MAU2: variants seen among roughly 807,000 people sequenced by gnomAD.
MAU2 encodes the protein MAU2 chromatid cohesion factor homolog.
Under a neutral mutation model 89.1 loss-of-function variants are expected in MAU2, and 9 were observed. The ratio of observed to expected loss-of-function variants is 0.10; its 90% CI spans 0.06 to 0.18. MAU2 has a LOEUF of 0.18. MAU2 is among the 10% of genes least tolerant of loss of function. The pLI is 1.00. For missense variants in MAU2, 425 were observed against 803.5 expected (o/e 0.53, Z 5.69); for synonymous variants, 357 against 343.4 (o/e 1.04, Z -0.44).
intron 1 of MAU2, among the ~76,000 whole-genome samples, chr19:19,326,204 A>G (rs1304786257): frequency 6.6e-6 from 1 of 151,908 alleles, no homozygotes; most frequent in Non-Finnish European, 1.5e-5. Context: ...GATATATAAC[A>G]TACTTACTCG....
Position 19,322,635 on chromosome 19 carries a change from C to T in MAU2, c.276+1500C>T, listed in dbSNP as rs1273276860. Among the ~76,000 whole-genome samples, 7 of 152,080 alleles carry T rather than the reference C, an allele frequency of 4.6e-5. No homozygotes were observed. In the South Asian group the frequency reaches 6.2e-4, roughly 13 times the overall value. On this transcript the variant is annotated intron_variant, in intron 1 of 18. Coordinates refer to ENST00000262815, the MANE Select transcript of MAU2 (RefSeq NM_015329.4). ...TAATAAGGAAAAAATAATAAAATTT[C>T]AGGCTGTGGAGTCGTTTTTTTCTCA... is the stretch of plus-strand genomic sequence containing the variant.
intron 1 of MAU2, among the ~76,000 whole-genome samples, chr19:19,331,690 C>T (rs1414834357): frequency 1.3e-5 from 2 of 151,816 alleles, no homozygotes; most frequent in Non-Finnish European, 1.5e-5. Flanking sequence ...TCACCTGAGC[C>T]CAGGAGTTCA....
At chr19:19,353,212 G>A (rs1315510216) in intron 16 of MAU2, 1 of 152,224 alleles carries the variant, frequency 6.6e-6, no homozygotes, top group African/African-American at 2.4e-5. Flanking sequence ...ACCAGATTCT[G>A]TGGGGTACCC....
In MAU2 at chr19:19,337,374, G is replaced by A. The variant is rs535357529; in HGVS notation, c.456+109G>A. The A allele has an allele frequency of 1.3e-4, 108 of 833,234 alleles. No individual in the cohort carries two copies. The African/African-American group carries it at 1.7e-3, about 13-fold the overall frequency. 51.6% of individuals were successfully genotyped at this position (833,234 alleles called of 1,614,324 possible). A position where few individuals can be genotyped will look rare whatever the true frequency, so the allele number is the denominator to read the frequency against. Reference sequence around the variant, plus strand: ...GAGTCCACGATGCGCAGACCCCCTCGGGCTGGCACATGGAGTAGGTGGGGA... The same window carrying A: ...GAGTCCACGATGCGCAGACCCCCTCAGGCTGGCACATGGAGTAGGTGGGGA... On this transcript the variant is annotated intron_variant, in intron 4 of 18. Coordinates refer to ENST00000262815, the MANE Select transcript of MAU2 (RefSeq NM_015329.4).
In MAU2 at chr19:19,337,139, T is replaced by C. The variant is rs1568656500; in HGVS notation, c.361-31T>C. On this transcript the variant is annotated intron_variant, in intron 3 of 18. Coordinates refer to ENST00000262815, the MANE Select transcript of MAU2 (RefSeq NM_015329.4). ...TTGCCGCCTTGTTTTTTTTTTTTCT[T>C]ACATTCCCAAACGTGACTATTTCCT... 7 of 1,525,366 alleles carry C rather than the reference T, an allele frequency of 4.6e-6. No homozygotes were observed. In the Admixed American group the frequency reaches 1.2e-4, roughly 27 times the overall value. 94.5% of individuals were successfully genotyped at this position (1,525,366 alleles called of 1,614,324 possible).
Position 19,354,487 on chromosome 19 carries a change from C to G in MAU2, c.1639+42C>G, listed in dbSNP as rs565732356. Reference sequence around the variant, plus strand: ...CCCCTCTTCCCCAGCCCCAGCCTGGCCCTCCCCAGAGATCAAGGCTGCTGG... The same window carrying G: ...CCCCTCTTCCCCAGCCCCAGCCTGGGCCTCCCCAGAGATCAAGGCTGCTGG... On this transcript the variant is annotated intron_variant, in intron 17 of 18. Coordinates refer to ENST00000262815, the MANE Select transcript of MAU2 (RefSeq NM_015329.4). 18 of 1,550,692 alleles carry G rather than the reference C, an allele frequency of 1.2e-5. 1 individual carries two copies. In the East Asian group the frequency reaches 4.0e-4, roughly 35 times the overall value.
chr19:19,355,146 C>A (rs1039328868), intron 17 of MAU2, 118 bp from the exon 18 acceptor site: 29 of 1,318,840 alleles, frequency 2.2e-5, no homozygotes, highest in Admixed American at 1.5e-4. Context: ...ACGTGCCAGG[C>A]ACCCAGAGAT....
At chr19:19,353,645 TC>T (rs2061761954) in intron 16 of MAU2, 1 of 152,398 alleles carries the variant, frequency 6.6e-6, no homozygotes, top group Admixed American at 6.5e-5. Context: ...GAACCCCACA[TC>T]CAGGCTTACA....
chr19:19,354,487 C>A (rs565732356), intron 17 of MAU2, 42 bp downstream of exon 17: 1 of 1,550,690 alleles, frequency 6.4e-7, no homozygotes, highest in Admixed American at 1.7e-5. Context: ...CCCAGCCTGG[C>A]CCTCCCCAGA....
chr19:19,347,424 A>C, intron 13 of MAU2, 58 bp downstream of exon 13: 5 of 1,422,362 alleles, frequency 3.5e-6, no homozygotes, highest in Non-Finnish European at 5.0e-6. Flanking sequence ...TTTTTGGGGA[A>C]CCAGGGGGTT....
At chr19:19,331,124 G>A (rs949947574) in intron 1 of MAU2, among the ~76,000 whole-genome samples, 5 of 151,828 alleles carry the variant, frequency 3.3e-5, no homozygotes, top group African/African-American at 1.2e-4. Context: ...TCCTTGCCCT[G>A]CTCCCTGCAG....
intron 1 of MAU2, among the ~76,000 whole-genome samples, chr19:19,330,248 A>G (rs1220354788): frequency 2.0e-5 from 3 of 150,592 alleles, no homozygotes; most frequent in East Asian, 4.1e-4. Flanking sequence ...CCAAAGTGCC[A>G]GGATTACAGG....
At position 19,342,646 on chromosome 19, in the gene MAU2, C is replaced by A; in HGVS notation, c.847C>A (p.Leu283Met). 1 of 1,613,154 alleles carries A rather than the reference C, an allele frequency of 6.2e-7. No homozygotes were observed. The highest frequency in any genetic ancestry group is 8.5e-7 in the Non-Finnish European group (1 of 1,179,530). Residue 283 changes from leucine (L) to methionine (M), a missense_variant, in exon 8 of 19, where the codon CTG becomes ATG. Coordinates refer to ENST00000262815, the MANE Select transcript of MAU2 (RefSeq NM_015329.4). ...CAACCCCGCTGACCTCTTCCACTGGCTGCCCAAGGAGCACATGTGTGTGCT... is the reference window on the plus strand; with the variant it reads ...CAACCCCGCTGACCTCTTCCACTGGATGCCCAAGGAGCACATGTGTGTGCT... ...PSNPADLFHW[L>M]PKEHMCVLVY...
rs34984917 is a variant in MAU2 at position 19,335,977 on chromosome 19, TG to T, written c.295-140del. ...GCCCTGCAGCAAGCTCAAGGTTCACTGGGGGAACAGGAAAACTTGGAATTTC... is the reference window on the plus strand; with the variant it reads ...GCCCTGCAGCAAGCTCAAGGTTCACTGGGGAACAGGAAAACTTGGAATTTC... On this transcript the variant is annotated intron_variant, in intron 2 of 18. Coordinates refer to ENST00000262815, the MANE Select transcript of MAU2 (RefSeq NM_015329.4). 1.2e-5 allele frequency: 9 copies of T among 720,768 alleles called. No homozygotes were observed. The East Asian group carries it at 2.1e-4, about 17-fold the overall frequency. The allele number at this position is 720,768 out of a possible 1,614,324, so 44.6% of individuals were successfully genotyped here. A position where few individuals can be genotyped will look rare whatever the true frequency, so the allele number is the denominator to read the frequency against.
At chr19:19,322,098 G>A (rs1399536115) in intron 1 of MAU2, among the ~76,000 whole-genome samples, 1 of 151,758 alleles carries the variant, frequency 6.6e-6, no homozygotes, top group Non-Finnish European at 1.5e-5. Context: ...CCCGGGTTCA[G>A]GCCATTCTCC....
chr19:19,351,418 C>A (rs1382509540), intron 16 of MAU2, among the ~76,000 whole-genome samples: 1 of 151,726 alleles, frequency 6.6e-6, no homozygotes, highest in East Asian at 1.9e-4. Flanking sequence ...GCCTGTAATC[C>A]CAACACTTTG....
intron 1 of MAU2, among the ~76,000 whole-genome samples, chr19:19,333,438 A>T (rs928567679): frequency 6.6e-6 from 1 of 152,296 alleles, no homozygotes; most frequent in African/African-American, 2.4e-5. Flanking sequence ...GTGAGCTCTG[A>T]TTGTACTGCT....
rs1555792830 is a variant in MAU2 at position 19,326,691 on chromosome 19, A to AT, written c.276+5556_276+5557insT. Among the ~76,000 whole-genome samples, 8 of 109,440 alleles carry AT rather than the reference A, an allele frequency of 7.3e-5. 1 individual carries two copies. The highest frequency in any genetic ancestry group is 2.2e-4 in the African/African-American group (7 of 31,896). 71.8% of individuals were successfully genotyped at this position (109,440 alleles called of 152,430 possible). ...AAAGAGCGAGACTGTCTCAAAAAAA[A>AT]ATATATATATGTATATATATATATA... On this transcript the variant is annotated intron_variant, in intron 1 of 18. Transcript: ENST00000262815.
chr19:19,335,681 T>G, intron 1 of MAU2, 37 bp from the exon 2 acceptor site: 1 of 1,613,466 alleles, frequency 6.2e-7, no homozygotes, highest in Admixed American at 1.7e-5. Context: ...GCCAGGTGTT[T>G]GCCTGAGAAT....
Sources: gnomAD v4.1 joint callset for allele counts (sites outside exome capture counted in the v4.1 genomes callset) on GRCh38, gnomAD v4.1.1 for gene constraint, MANE v1.5 for transcripts, NCBI Gene and HGNC (gene_info 2026-07-23, HGNC 2026-07-21) for gene names.